OCA2: variants seen among roughly 807,000 people sequenced by gnomAD.
OCA2 encodes the protein P protein.
Under a neutral mutation model 100.2 loss-of-function variants are expected in OCA2, and 77 were observed. The observed-to-expected ratio is 0.77, with a 90% CI of 0.64 to 0.93. The LOEUF (loss-of-function observed/expected upper bound fraction) is 0.93. OCA2 is among the 40% of genes least tolerant of loss of function. The pLI is 0.00. For missense variants in OCA2, 1,062 were observed against 1,089.1 expected (o/e 0.98, Z 0.35); for synonymous variants, 432 against 439.2 (o/e 0.98, Z 0.21).
At chr15:27,765,481 A>G (rs912775518) in intron 23 of OCA2, among the ~76,000 whole-genome samples, 1 of 152,206 alleles carries the variant, frequency 6.6e-6, no homozygotes, top group Non-Finnish European at 1.5e-5. Flanking sequence ...ACCTGGACCC[A>G]TTTAGATTAA....
At chr15:28,000,390 T>C (rs2041889977) in intron 9 of OCA2, among the ~76,000 whole-genome samples, 2 of 152,178 alleles carry the variant, frequency 1.3e-5, no homozygotes, top group Non-Finnish European at 2.9e-5. Flanking sequence ...ATAAATGGTA[T>C]TGGGAAGCTG....
intron 23 of OCA2, among the ~76,000 whole-genome samples, chr15:27,790,845 G>A (rs1256544682): frequency 6.8e-6 from 1 of 147,792 alleles, no homozygotes; most frequent in East Asian, 2.0e-4. Flanking sequence ...CTGAAGTATA[G>A]TGGCACAATC....
At chr15:27,977,594 A>G (rs577166333) in intron 14 of OCA2, among the ~76,000 whole-genome samples, 93 of 152,256 alleles carry the variant, frequency 6.1e-4, no homozygotes, top group African/African-American at 2.2e-3. Context: ...ACAAATTCTG[A>G]TATGTTCTGT....
At chr15:28,024,923 C>T (rs2141319962) in intron 4 of OCA2, 21 bp from the exon 5 acceptor site, 1 of 1,613,538 alleles carries the variant, frequency 6.2e-7, no homozygotes, top group East Asian at 2.2e-5. Context: ...AAAAGTAGGG[C>T]CTTAGTGGCA....
the OCA2 span, among the ~76,000 whole-genome samples, chr15:27,724,814 CT>C: frequency 6.1e-4 from 89 of 146,962 alleles, no homozygotes; most frequent in South Asian, 1.5e-3. Flanking sequence ...GTGAGAGACG[CT>C]TTTTTTTTTT....
intron 23 of OCA2, among the ~76,000 whole-genome samples, chr15:27,808,744 C>T (rs2033958266): frequency 6.6e-6 from 1 of 152,120 alleles, no homozygotes; most frequent in Non-Finnish European, 1.5e-5. Context: ...GCAGGCTGGG[C>T]ATCAAGGAAG....
chr15:27,986,458 C>T, intron 12 of OCA2, 129 bp downstream of exon 12: 1 of 719,722 alleles, frequency 1.4e-6, no homozygotes. Flanking sequence ...CCTGCAGAAG[C>T]AACCTTTAAA....
chr15:27,983,331 A>G lies in OCA2; in HGVS notation c.1503+14T>C, dbSNP rs2041229112. The G allele has an allele frequency of 7.4e-6, 12 of 1,614,148 alleles. No individual in the cohort carries two copies. The highest frequency in any genetic ancestry group is 4.5e-5 in the East Asian group (2 of 44,870). On this transcript the variant is annotated intron_variant, in intron 14 of 23. Transcript: ENST00000354638. ...TGCGTTTACTGGAAGCAACCCTAGC[A>G]TGCTGGTACGTACCATCTTCCTCAG...
chr15:27,832,047 C>G (rs1430859834), intron 23 of OCA2, among the ~76,000 whole-genome samples: 1 of 152,090 alleles, frequency 6.6e-6, no homozygotes, highest in African/African-American at 2.4e-5. Flanking sequence ...GACCTCTATG[C>G]TTGCACACTC....
chr15:27,871,511 C>T (rs1453682429), intron 20 of OCA2, among the ~76,000 whole-genome samples: 1 of 152,238 alleles, frequency 6.6e-6, no homozygotes, highest in Admixed American at 6.5e-5. Flanking sequence ...CCCTGCCCCT[C>T]ATCCCCATGT....
chr15:28,021,660 G>A (rs1394805362), intron 6 of OCA2, among the ~76,000 whole-genome samples: 1 of 152,178 alleles, frequency 6.6e-6, no homozygotes, highest in African/African-American at 2.4e-5. Context: ...AAGATCCCGG[G>A]AAAGCATCCC....
chr15:27,805,466 G>A (rs1434614684), intron 23 of OCA2, among the ~76,000 whole-genome samples: 1 of 152,202 alleles, frequency 6.6e-6, no homozygotes, highest in Non-Finnish European at 1.5e-5. Context: ...GTGTAAAACG[G>A]AAACCAACCC....
At chr15:27,850,190 C>T (rs773687779) in intron 22 of OCA2, among the ~76,000 whole-genome samples, 1 of 152,194 alleles carries the variant, frequency 6.6e-6, no homozygotes, top group Non-Finnish European at 1.5e-5. Flanking sequence ...TGGCTTCACA[C>T]TTCCCTGTCT....
intron 19 of OCA2, among the ~76,000 whole-genome samples, chr15:27,895,119 C>T (rs1359122268): frequency 1.3e-5 from 2 of 152,138 alleles, no homozygotes; most frequent in East Asian, 3.9e-4. Flanking sequence ...TGGGTCCTGC[C>T]TATAGGAAGC....
chr15:27,823,151 C>T (rs1056666497), intron 23 of OCA2, among the ~76,000 whole-genome samples: 5 of 152,174 alleles, frequency 3.3e-5, no homozygotes, highest in Admixed American at 6.5e-5. Flanking sequence ...TGTCATAAAT[C>T]GGAGAGCCTT....
In OCA2 at chr15:27,815,170, G is replaced by A. The variant is rs150073221; in HGVS notation, c.2432+29789C>T. Among the ~76,000 whole-genome samples, 44 of 152,216 alleles carry A rather than the reference G, an allele frequency of 2.9e-4. No individual in the cohort carries two copies. In the East Asian group the frequency reaches 6.4e-3, roughly 22 times the overall value. On this transcript the variant is annotated intron_variant, in intron 23 of 23. Transcript: ENST00000354638. ...TTGGAGGACATGATTTTAACTAAAT[G>A]GACGGGGAGAAGCTTCCCATTCGCC...
intron 18 of OCA2, among the ~76,000 whole-genome samples, chr15:27,942,362 A>C (rs2039678404): frequency 6.6e-6 from 1 of 151,966 alleles, no homozygotes. Context: ...ACACGGATGC[A>C]CCTTGAAAAT....
At chr15:27,789,322 T>A (rs1329085782) in intron 23 of OCA2, among the ~76,000 whole-genome samples, 2 of 152,160 alleles carry the variant, frequency 1.3e-5, no homozygotes, top group African/African-American at 4.8e-5. Context: ...CTTTCTTTTG[T>A]TTTGTTTTAA....
chr15:28,085,222 G>A (rs12593163), intron 1 of OCA2, among the ~76,000 whole-genome samples: 21,982 of 152,020 alleles, frequency 0.14, 2,753 homozygotes, highest in East Asian at 0.71. Context: ...CAGTGTACGC[G>A]CCTGCTCTCC....
Sources: allele counts gnomAD v4.1 joint callset (sites outside exome capture counted in the v4.1 genomes callset), GRCh38; gene constraint gnomAD v4.1.1; transcripts MANE v1.5; gene names NCBI Gene and HGNC (gene_info 2026-07-23, HGNC 2026-07-21).